KCNIP4: variants seen among roughly 807,000 people sequenced by gnomAD.
KCNIP4 encodes potassium voltage-gated channel interacting protein 4, also known as Kv channel-interacting protein 4.
In KCNIP4, 12 loss-of-function variants were observed where a neutral mutation model predicts 34.0. The observed-to-expected ratio is 0.35, with a 90% CI of 0.23 to 0.57. The LOEUF (loss-of-function observed/expected upper bound fraction) is 0.57. KCNIP4 is among the 20% of genes least tolerant of loss of function. KCNIP4 has a pLI of 0.83. For synonymous variants in KCNIP4, 124 were observed against 102.2 expected, an observed-to-expected ratio of 1.21 and a Z score of -1.29; for missense variants, 238 against 311.7, an observed-to-expected ratio of 0.76 and a Z score of 1.78.
intron 3 of KCNIP4, among the ~76,000 whole-genome samples, chr4:20,793,132 G>A (rs938348036): frequency 3.9e-5 from 6 of 152,138 alleles, no homozygotes; most frequent in African/African-American, 1.4e-4. Flanking sequence ...GTTAACAGCA[G>A]CATTATTTGT....
At chr4:20,849,180 G>T (rs1720735275) in intron 3 of KCNIP4, among the ~76,000 whole-genome samples, 1 of 152,048 alleles carries the variant, frequency 6.6e-6, no homozygotes, top group Non-Finnish European at 1.5e-5. Context: ...TGTGTGTGTG[G>T]TGAGCACTCA....
intron 1 of KCNIP4, among the ~76,000 whole-genome samples, chr4:21,236,916 G>C (rs146505593): frequency 0.02 from 3,074 of 150,970 alleles, 48 homozygotes; most frequent in Non-Finnish European, 0.03. Context: ...CTGAGGCAGA[G>C]AATTGCTTGA....
chr4:21,811,327 A>G (rs1721638704), intron 1 of KCNIP4, among the ~76,000 whole-genome samples: 1 of 152,222 alleles, frequency 6.6e-6, no homozygotes, highest in African/African-American at 2.4e-5. Flanking sequence ...TATTTGCCAT[A>G]GGGTATACAG....
At chr4:21,426,081 A>G (rs1725907038) in intron 1 of KCNIP4, among the ~76,000 whole-genome samples, 1 of 152,168 alleles carries the variant, frequency 6.6e-6, no homozygotes, top group Non-Finnish European at 1.5e-5. Flanking sequence ...TACCAATGTA[A>G]TATGTGGAAA....
intron 1 of KCNIP4, among the ~76,000 whole-genome samples, chr4:21,273,151 C>T (rs573394286): frequency 1.4e-4 from 21 of 152,234 alleles, no homozygotes; most frequent in African/African-American, 5.1e-4. Context: ...ATTGAATAAA[C>T]ATATCCTTAT....
intron 1 of KCNIP4, among the ~76,000 whole-genome samples, chr4:21,589,024 C>T (rs1453648452): frequency 6.7e-6 from 1 of 149,948 alleles, no homozygotes; most frequent in African/African-American, 2.4e-5. Context: ...AAAAGAAAGT[C>T]AAATCATATG....
At chr4:20,911,232 T>C (rs1320095924) in intron 1 of KCNIP4, among the ~76,000 whole-genome samples, 1 of 152,228 alleles carries the variant, frequency 6.6e-6, no homozygotes, top group African/African-American at 2.4e-5. Flanking sequence ...CCTTATTTTA[T>C]ATGACCAACA....
rs1433492045 is a variant in KCNIP4, at chr4:20,779,586, CCCA to C, written c.289-20699_289-20697del. ...CCCCCCTGCCCCACAACCCCCCCCC[CCCA>C]CACAAAAAAGAAATGAAAACAAAAA... On this transcript the variant is annotated intron_variant, in intron 3 of 8. Coordinates refer to ENST00000382152, the MANE Select transcript of KCNIP4 (RefSeq NM_025221.6). Among the ~76,000 whole-genome samples, 243 of 135,144 alleles carry C rather than the reference CCCA, an allele frequency of 1.8e-3. 2 individuals carry two copies. The highest frequency in any genetic ancestry group is 6.6e-3 in the African/African-American group (237 of 35,690). The allele number at this position is 135,144 out of a possible 152,430, so 88.7% of individuals were successfully genotyped here.
intron 1 of KCNIP4, among the ~76,000 whole-genome samples, chr4:21,668,573 G>T (rs1749211454): frequency 6.6e-6 from 1 of 152,034 alleles, no homozygotes; most frequent in South Asian, 2.1e-4. Context: ...TAATCAAGCT[G>T]CCCTCACTAA....
chr4:20,740,963 AACAG>A (rs1750929847), intron 5 of KCNIP4, among the ~76,000 whole-genome samples: 1 of 152,200 alleles, frequency 6.6e-6, no homozygotes, highest in Non-Finnish European at 1.5e-5. Context: ...CAAAGATCAA[AACAG>A]ACAAAGAAGG....
chr4:21,150,213 C>T (rs555711492), intron 1 of KCNIP4, among the ~76,000 whole-genome samples: 3 of 152,086 alleles, frequency 2.0e-5, no homozygotes, highest in African/African-American at 7.2e-5. Context: ...GCATGGAGTT[C>T]CAGCAAACAC....
chr4:20,844,118 C>T (rs1407965954), intron 3 of KCNIP4, among the ~76,000 whole-genome samples: 1 of 152,152 alleles, frequency 6.6e-6, no homozygotes, highest in African/African-American at 2.4e-5. Flanking sequence ...AGGATAGTTT[C>T]ATGTCCAGAG....
chr4:21,701,653 T>A (rs1712851520), intron 1 of KCNIP4, among the ~76,000 whole-genome samples: 1 of 152,180 alleles, frequency 6.6e-6, no homozygotes, highest in Non-Finnish European at 1.5e-5. Context: ...ATATCTATAA[T>A]GTACTCAAAA....
chr4:21,315,621 G>C (rs891892563), intron 1 of KCNIP4, among the ~76,000 whole-genome samples: 1 of 152,038 alleles, frequency 6.6e-6, no homozygotes, highest in African/African-American at 2.4e-5. Context: ...GTACCAAATC[G>C]ACATTAAATA....
intron 1 of KCNIP4, among the ~76,000 whole-genome samples, chr4:21,470,150 G>A (rs1730337951): frequency 6.6e-6 from 1 of 152,108 alleles, no homozygotes; most frequent in East Asian, 1.9e-4. Flanking sequence ...CTTGACATCG[G>A]GACAGATTAT....
intron 1 of KCNIP4, among the ~76,000 whole-genome samples, chr4:20,965,525 T>C (rs2149667572): frequency 6.6e-6 from 1 of 152,320 alleles, no homozygotes; most frequent in Non-Finnish European, 1.5e-5. Flanking sequence ...TGGTCAACTT[T>C]CCTTAAATAA....
At chr4:21,244,374 C>T (rs1760056401) in intron 1 of KCNIP4, among the ~76,000 whole-genome samples, 1 of 152,170 alleles carries the variant, frequency 6.6e-6, no homozygotes, top group Non-Finnish European at 1.5e-5. Context: ...AAAACAGTTT[C>T]ATTATAAGTC....
intron 1 of KCNIP4, among the ~76,000 whole-genome samples, chr4:21,393,047 A>G (rs914213408): frequency 6.6e-6 from 1 of 152,302 alleles, no homozygotes; most frequent in African/African-American, 2.4e-5. Context: ...TAAACATAAA[A>G]TGGAATCAAA....
intron 8 of KCNIP4, chr4:20,731,771 A>G (rs1033588389): frequency 2.0e-6 from 2 of 985,306 alleles, no homozygotes; most frequent in African/African-American, 3.5e-5. Context: ...CAGTACATGT[A>G]CAACTTTTGT....
Sources: gnomAD v4.1 joint callset for allele counts (sites outside exome capture counted in the v4.1 genomes callset) on GRCh38, gnomAD v4.1.1 for gene constraint, MANE v1.5 for transcripts, NCBI Gene and HGNC (gene_info 2026-07-23, HGNC 2026-07-21) for gene names.